TANK: variants seen among roughly 807,000 people sequenced by gnomAD.
TANK encodes the protein TRAF family member associated NFKB activator.
A neutral mutation model predicts 43.6 loss-of-function variants in TANK; 15 were observed. That is an observed-to-expected ratio of 0.34 (90% confidence interval 0.23 to 0.53). The LOEUF is 0.53. TANK is among the 20% of genes least tolerant of loss of function. The pLI is 0.94. For missense variants in TANK, 417 were observed against 498.6 expected, an observed-to-expected ratio of 0.84 and a Z score of 1.56; for synonymous variants, 162 against 178.2, an observed-to-expected ratio of 0.91 and a Z score of 0.73.
intron 1 of TANK, among the ~76,000 whole-genome samples, chr2:161,137,499 TG>T (rs1683620727): frequency 6.6e-6 from 1 of 152,360 alleles, no homozygotes; most frequent in African/African-American, 2.4e-5. Flanking sequence ...ATATCTGGAA[TG>T]AGAGCCTTCT....
intron 1 of TANK, among the ~76,000 whole-genome samples, chr2:161,169,737 G>T (rs936659933): frequency 2.0e-5 from 3 of 152,144 alleles, no homozygotes; most frequent in African/African-American, 4.8e-5. Flanking sequence ...AAAAATTAGA[G>T]GGGAGAGAGC....
intron 1 of TANK, 79 bp from the exon 2 acceptor site, chr2:161,179,535 G>T (rs1685323496): frequency 7.7e-7 from 1 of 1,301,726 alleles, no homozygotes; most frequent in African/African-American, 1.5e-5. Context: ...AAACCTTATA[G>T]AACTATCTTT....
intron 4 of TANK, among the ~76,000 whole-genome samples, chr2:161,211,179 G>C (rs1302649928): frequency 6.6e-6 from 1 of 152,178 alleles, no homozygotes; most frequent in Non-Finnish European, 1.5e-5. Flanking sequence ...AGCAGTTTTG[G>C]CAGGCAGTAC....
intron 1 of TANK, among the ~76,000 whole-genome samples, chr2:161,171,233 T>A (rs1209480150): frequency 1.3e-5 from 2 of 152,324 alleles, no homozygotes; most frequent in East Asian, 3.9e-4. Flanking sequence ...TGTAGCCTTC[T>A]CTTTAGGAAT....
At chr2:161,193,308 C>T (rs1356907375) in intron 2 of TANK, among the ~76,000 whole-genome samples, 1 of 152,072 alleles carries the variant, frequency 6.6e-6, no homozygotes, top group Non-Finnish European at 1.5e-5. Context: ...CAGAATAAGA[C>T]AAAAGATTAT....
At chr2:161,144,247 C>CA (rs982574952) in intron 1 of TANK, among the ~76,000 whole-genome samples, 1 of 151,730 alleles carries the variant, frequency 6.6e-6, no homozygotes, top group Non-Finnish European at 1.5e-5. Context: ...TAAACTTTTT[C>CA]AAAAAAACAG....
chr2:161,155,024 T>A (rs1456172630), intron 1 of TANK, among the ~76,000 whole-genome samples: 1 of 152,124 alleles, frequency 6.6e-6, no homozygotes, highest in South Asian at 2.1e-4. Context: ...GGATTACAGG[T>A]GTGAGCTACA....
Position 161,231,348 on chromosome 2 carries a change from A to T in TANK, c.898A>T (p.Ile300Leu). Residue 300 changes from isoleucine (I) to leucine (L), a missense_variant, in exon 7 of 8, where the codon ATA (isoleucine) becomes TTA (leucine). Ile to Leu is a conservative substitution (Grantham distance 5). Coordinates refer to ENST00000392749, the MANE Select transcript of TANK (RefSeq NM_001199135.3). ...GGGAATTGACCCCATAGCTTCAGCT[A>T]TACAAAACCTTAAAACAACTGACAA... ...IQGIDPIASA[I>L]QNLKTTDKTK... 6.2e-7 allele frequency: 1 copy of T among 1,614,232 alleles called. No homozygotes were observed. The highest frequency in any genetic ancestry group is 1.1e-5 in the South Asian group (1 of 91,090).
rs775774301 is a variant in TANK, at chr2:161,204,801, T to C, written c.327+8T>C. On this transcript the variant is annotated splice_region_variant and intron_variant, in intron 4 of 7. Coordinates refer to ENST00000392749, the MANE Select transcript of TANK (RefSeq NM_001199135.3). ...AGAGAAAAACTACCAAAGGTAGACA[T>C]TGCTTCTGCAGAAAGCAGCATTTAA... 6.9e-6 allele frequency: 11 copies of C among 1,604,666 alleles called. No individual in the cohort carries two copies. The highest frequency in any genetic ancestry group is 3.4e-5 in the South Asian group (3 of 89,118).
At chr2:161,215,737 A>G (rs762707478) in intron 4 of TANK, among the ~76,000 whole-genome samples, 1 of 152,118 alleles carries the variant, frequency 6.6e-6, no homozygotes, top group African/African-American at 2.4e-5. Flanking sequence ...AGATACTGCT[A>G]GATTTTGAGG....
chr2:161,154,052 C>T (rs549856460), intron 1 of TANK, among the ~76,000 whole-genome samples: 187 of 152,260 alleles, frequency 1.2e-3, no homozygotes, highest in Non-Finnish European at 2.0e-3. Context: ...TCATAATGGC[C>T]ATCCTAAGCT....
chr2:161,211,830 G>T, intron 4 of TANK: 1 of 985,364 alleles, frequency 1.0e-6, no homozygotes, highest in African/African-American at 1.7e-5. Flanking sequence ...TAGTACCTCA[G>T]GTACTCCTTG....
intron 1 of TANK, among the ~76,000 whole-genome samples, chr2:161,142,108 T>C (rs1422058126): frequency 1.3e-5 from 2 of 152,248 alleles, no homozygotes; most frequent in East Asian, 3.8e-4. Flanking sequence ...CATATGTTTG[T>C]TGGCTGCATA....
intron 1 of TANK, chr2:161,163,063 T>G (rs1444668357): frequency 6.6e-6 from 1 of 152,176 alleles, no homozygotes; most frequent in African/African-American, 2.4e-5. Context: ...TTATTTAAAA[T>G]CAATGATTGA....
chr2:161,179,065 T>C (rs908644323), intron 1 of TANK, among the ~76,000 whole-genome samples: 2 of 152,170 alleles, frequency 1.3e-5, no homozygotes, highest in Non-Finnish European at 2.9e-5. Flanking sequence ...TTTTTCTTTT[T>C]TAACGTACAA....
At chr2:161,216,071 T>C (rs558323044) in intron 4 of TANK, among the ~76,000 whole-genome samples, 3 of 152,212 alleles carry the variant, frequency 2.0e-5, no homozygotes, top group Admixed American at 6.5e-5. Flanking sequence ...TTTCCTGTTA[T>C]GTTTGTCAAT....
chr2:161,192,907 A>G (rs1383195082), intron 2 of TANK, among the ~76,000 whole-genome samples: 1 of 152,156 alleles, frequency 6.6e-6, no homozygotes, highest in Non-Finnish European at 1.5e-5. Context: ...CGTTATACTA[A>G]CCTAGCTAAG....
At chr2:161,210,613 C>T (rs562018198) in intron 4 of TANK, among the ~76,000 whole-genome samples, 7 of 151,516 alleles carry the variant, frequency 4.6e-5, no homozygotes, top group Non-Finnish European at 8.8e-5. Context: ...AGGAGAATTG[C>T]TTGAACCCGG....
chr2:161,151,905 T>C (rs2105229913), intron 1 of TANK, among the ~76,000 whole-genome samples: 1 of 152,294 alleles, frequency 6.6e-6, no homozygotes, highest in Admixed American at 6.5e-5. Flanking sequence ...CTTAGTGGTA[T>C]ACCATTTTAT....
Sources: gnomAD v4.1 joint callset for allele counts (sites outside exome capture counted in the v4.1 genomes callset) on GRCh38, gnomAD v4.1.1 for gene constraint, MANE v1.5 for transcripts, NCBI Gene and HGNC (gene_info 2026-07-23, HGNC 2026-07-21) for gene names.